The following UBE2H variants were observed in gnomAD, a reference collection of about 807,000 sequenced individuals.
UBE2H encodes the protein ubiquitin conjugating enzyme E2 H, also known as ubiquitin-conjugating enzyme E2 H.
In UBE2H, 3 loss-of-function variants were observed where a neutral mutation model predicts 29.0. That is an observed-to-expected ratio of 0.10 (90% CI 0.05 to 0.27). UBE2H has a LOEUF of 0.27. UBE2H is among the 10% of genes least tolerant of loss of function. UBE2H has a pLI of 1.00. For missense variants in UBE2H, 68 were observed against 228.2 expected, an observed-to-expected ratio of 0.30 and a Z score of 4.52; for synonymous variants, 69 against 82.9, an observed-to-expected ratio of 0.83 and a Z score of 0.91.
chr7:129,929,975 A>T (rs574994909), intron 1 of UBE2H, among the ~76,000 whole-genome samples: 1 of 152,124 alleles, frequency 6.6e-6, no homozygotes, highest in East Asian at 1.9e-4. Flanking sequence ...GCACTGCTGC[A>T]CTCCAGCCTG....
At chr7:129,922,025 C>T (rs1374272655) in intron 1 of UBE2H, among the ~76,000 whole-genome samples, 1 of 151,976 alleles carries the variant, frequency 6.6e-6, no homozygotes, top group Non-Finnish European at 1.5e-5. Context: ...ACTTTGTCAC[C>T]CAGGCTGGAG....
chr7:129,899,582 C>T (rs539245960), intron 1 of UBE2H, among the ~76,000 whole-genome samples: 12 of 152,268 alleles, frequency 7.9e-5, no homozygotes, highest in African/African-American at 2.6e-4. Context: ...TAACACAACA[C>T]GTGCATGTGC....
intron 1 of UBE2H, among the ~76,000 whole-genome samples, chr7:129,944,782 C>G (rs1807729186): frequency 6.6e-6 from 1 of 151,300 alleles, no homozygotes; most frequent in African/African-American, 2.4e-5. Context: ...GCAAACCCTA[C>G]CACATGATCT....
intron 3 of UBE2H, among the ~76,000 whole-genome samples, chr7:129,860,573 AAGCCAAC>A (rs1288754544): frequency 1.3e-5 from 2 of 152,314 alleles, no homozygotes; most frequent in East Asian, 3.9e-4. Flanking sequence ...TTATTTATAA[AAGCCAAC>A]AGCCAAATTC....
chr7:129,862,212 T>TCA (rs1328748160), intron 3 of UBE2H, among the ~76,000 whole-genome samples: 3 of 152,192 alleles, frequency 2.0e-5, no homozygotes, highest in Non-Finnish European at 2.9e-5. Context: ...TCCTACTATA[T>TCA]GAAAAATATT....
intron 1 of UBE2H, among the ~76,000 whole-genome samples, chr7:129,915,177 C>G (rs914679791): frequency 6.6e-6 from 1 of 152,178 alleles, no homozygotes; most frequent in Non-Finnish European, 1.5e-5. Flanking sequence ...ACAAAAACCA[C>G]GGGCTTGGCT....
intron 1 of UBE2H, among the ~76,000 whole-genome samples, chr7:129,909,812 G>A (rs918938429): frequency 3.3e-5 from 5 of 152,104 alleles, no homozygotes; most frequent in Non-Finnish European, 7.3e-5. Context: ...AGGATCTAGG[G>A]ACAAAGAGAT....
intron 1 of UBE2H, among the ~76,000 whole-genome samples, chr7:129,924,438 GTAA>G (rs780174149): frequency 5.3e-4 from 81 of 152,196 alleles, no homozygotes; most frequent in Non-Finnish European, 1.0e-3. Context: ...AAAAGCCCTA[GTAA>G]AAATTCATAC....
chr7:129,934,643 A>T (rs1243258263), intron 1 of UBE2H, among the ~76,000 whole-genome samples: 1 of 150,380 alleles, frequency 6.6e-6, no homozygotes, highest in Non-Finnish European at 1.5e-5. Flanking sequence ...GTCTTTAAAA[A>T]AAAAAAAAAA....
At chr7:129,861,836 C>G (rs1484555093) in intron 3 of UBE2H, among the ~76,000 whole-genome samples, 2 of 152,044 alleles carry the variant, frequency 1.3e-5, no homozygotes, top group Non-Finnish European at 2.9e-5. Flanking sequence ...TGCAGTGAGC[C>G]GAGATCATGC....
At chr7:129,947,116 G>A (rs190385793) in intron 1 of UBE2H, among the ~76,000 whole-genome samples, 28 of 152,308 alleles carry the variant, frequency 1.8e-4, no homozygotes, top group Admixed American at 1.3e-3. Flanking sequence ...TCACATCTGC[G>A]AAACATTTTT....
intron 1 of UBE2H, among the ~76,000 whole-genome samples, chr7:129,948,526 C>G (rs900672151): frequency 3.3e-5 from 5 of 152,142 alleles, no homozygotes; most frequent in African/African-American, 1.2e-4. Context: ...AAGTGGCATG[C>G]CCTGGGCCAG....
At chr7:129,941,278 T>A (rs996794230) in intron 1 of UBE2H, among the ~76,000 whole-genome samples, 1 of 151,226 alleles carries the variant, frequency 6.6e-6, no homozygotes, top group African/African-American at 2.4e-5. Context: ...AACTCCTGAG[T>A]TCAAGCAATG....
chr7:129,944,187 G>A (rs77768351), intron 1 of UBE2H, among the ~76,000 whole-genome samples: 19,503 of 151,108 alleles, frequency 0.13, 1,584 homozygotes, highest in East Asian at 0.3. Flanking sequence ...AAACCCTGTC[G>A]CTACTAAAAA....
chr7:129,861,992 T>A (rs1301486947), intron 3 of UBE2H, among the ~76,000 whole-genome samples: 1 of 152,226 alleles, frequency 6.6e-6, no homozygotes, highest in East Asian at 1.9e-4. Context: ...AACCAACCAT[T>A]TTATTTGAAA....
At chr7:129,849,460 C>T (rs1323470446) in intron 5 of UBE2H, among the ~76,000 whole-genome samples, 1 of 151,968 alleles carries the variant, frequency 6.6e-6, no homozygotes, top group African/African-American at 2.4e-5. Flanking sequence ...CGCCGGTAAT[C>T]CCAGCTACTT....
chr7:129,929,221 G>C (rs1807337428), intron 1 of UBE2H, among the ~76,000 whole-genome samples: 1 of 151,870 alleles, frequency 6.6e-6, no homozygotes, highest in Non-Finnish European at 1.5e-5. Flanking sequence ...GGGGGCCGAG[G>C]CAGGAGAATC....
chr7:129,850,852 G>GT, intron 5 of UBE2H, among the ~76,000 whole-genome samples: 1 of 147,510 alleles, frequency 6.8e-6, no homozygotes, highest in Non-Finnish European at 1.5e-5. Context: ...AGAGAGAGAG[G>GT]GAAGGGGGAT....
At chr7:129,867,176 GAC>G (rs1396570352) in intron 3 of UBE2H, among the ~76,000 whole-genome samples, 1 of 152,236 alleles carries the variant, frequency 6.6e-6, no homozygotes, top group East Asian at 1.9e-4. Flanking sequence ...TTATTTGTGT[GAC>G]ACAGCCCCAG....
Sources: allele counts gnomAD v4.1 joint callset (sites outside exome capture counted in the v4.1 genomes callset), GRCh38; gene constraint gnomAD v4.1.1; transcripts MANE v1.5; gene names NCBI Gene and HGNC (gene_info 2026-07-23, HGNC 2026-07-21).